Variants in SGCD observed in about 807,000 individuals in gnomAD.
The protein encoded by SGCD is sarcoglycan delta, also known as delta-sarcoglycan.
SGCD carries 18 observed loss-of-function variants against 36.6 expected under a neutral mutation model. That is an observed-to-expected ratio of 0.49 (90% CI 0.34 to 0.73). SGCD has a LOEUF of 0.73. SGCD is among the 30% of genes least tolerant of loss of function. The pLI, the probability that SGCD is intolerant of heterozygous loss-of-function variation, is 0.01. For synonymous variants in SGCD, 133 were observed against 130.6 expected, an observed-to-expected ratio of 1.02 and a Z score of -0.12; for missense variants, 387 against 346.7, an observed-to-expected ratio of 1.12 and a Z score of -0.92.
intron 1 of SGCD, among the ~76,000 whole-genome samples, chr5:156,007,058 C>A (rs1407901098): frequency 6.6e-6 from 1 of 152,162 alleles, no homozygotes; most frequent in Admixed American, 6.5e-5. Context: ...TCATCAGTAG[C>A]CTCTATTCTA....
chr5:155,907,280 C>T (rs1015811859), intron 1 of SGCD, among the ~76,000 whole-genome samples: 1 of 151,968 alleles, frequency 6.6e-6, no homozygotes, highest in Non-Finnish European at 1.5e-5. Context: ...ACCTAAGATC[C>T]CTGATGGGGA....
At chr5:155,906,569 G>A (rs1490430135) in intron 1 of SGCD, among the ~76,000 whole-genome samples, 1 of 152,100 alleles carries the variant, frequency 6.6e-6, no homozygotes, top group Non-Finnish European at 1.5e-5. Context: ...TTGCTGATAG[G>A]GAGAAAGTCT....
chr5:155,749,118 T>C, the SGCD span, among the ~76,000 whole-genome samples: 1 of 152,228 alleles, frequency 6.6e-6, no homozygotes, highest in Non-Finnish European at 1.5e-5. Flanking sequence ...AAATAAGTGA[T>C]AGATGTTACT....
chr5:156,643,126 G>A (rs919129922), intron 6 of SGCD, among the ~76,000 whole-genome samples: 3 of 147,706 alleles, frequency 2.0e-5, no homozygotes, highest in Admixed American at 1.4e-4. Context: ...TCCACCTCCC[G>A]AGTTCAAGGG....
rs148419817 is a variant in SGCD at position 156,562,917 on chromosome 5, C to T, written c.295-26314C>T. On this transcript the variant is annotated intron_variant, in intron 4 of 8. Transcript: ENST00000337851. Reference sequence around the variant, plus strand: ...CCTTCCATTTTTTGGATTATAGTAACAATATTTACCTAATTAAATTAAGAA... The same window carrying T: ...CCTTCCATTTTTTGGATTATAGTAATAATATTTACCTAATTAAATTAAGAA... 1.9e-3 allele frequency among the ~76,000 whole-genome samples: 290 copies of T among 151,700 alleles called. 1 individual carries two copies. The highest frequency in any genetic ancestry group is 6.7e-3 in the African/African-American group (278 of 41,368).
the SGCD span, among the ~76,000 whole-genome samples, chr5:155,858,040 T>C: frequency 1.3e-5 from 2 of 152,206 alleles, no homozygotes; most frequent in Non-Finnish European, 2.9e-5. Context: ...TTATTAACTA[T>C]AACTCGTGGT....
chr5:156,328,186 C>T (rs972471146), intron 1 of SGCD, among the ~76,000 whole-genome samples: 1 of 152,164 alleles, frequency 6.6e-6, no homozygotes, highest in Non-Finnish European at 1.5e-5. Context: ...ATTTTTTCCT[C>T]TCATAGGAAA....
At chr5:156,648,677 G>C (rs533395093) in intron 7 of SGCD, among the ~76,000 whole-genome samples, 1 of 152,110 alleles carries the variant, frequency 6.6e-6, no homozygotes, top group African/African-American at 2.4e-5. Context: ...CACACCACAA[G>C]GTTCTACTTT....
chr5:155,814,076 T>C, the SGCD span, among the ~76,000 whole-genome samples: 1 of 152,202 alleles, frequency 6.6e-6, no homozygotes, highest in Non-Finnish European at 1.5e-5. Context: ...GTGGTTACCA[T>C]CACTCTTAGG....
intron 3 of SGCD, among the ~76,000 whole-genome samples, chr5:156,448,029 A>G (rs1000701569): frequency 1.3e-5 from 2 of 152,162 alleles, no homozygotes; most frequent in Admixed American, 6.5e-5. Context: ...ACAGAATTCA[A>G]ACTCAGGTCT....
intron 3 of SGCD, among the ~76,000 whole-genome samples, chr5:156,264,127 A>G (rs1765943252): frequency 6.6e-6 from 1 of 152,100 alleles, no homozygotes; most frequent in Non-Finnish European, 1.5e-5. Context: ...ATGTTAGAGA[A>G]GAAAGTGTAA....
chr5:156,724,336 G>A (rs1282315047), intron 7 of SGCD, among the ~76,000 whole-genome samples: 3 of 152,236 alleles, frequency 2.0e-5, no homozygotes, highest in Non-Finnish European at 4.4e-5. Flanking sequence ...CGGGCGTGGT[G>A]GCTCACGCCT....
At chr5:156,582,450 C>T (rs1382708607) in intron 4 of SGCD, among the ~76,000 whole-genome samples, 1 of 152,154 alleles carries the variant, frequency 6.6e-6, no homozygotes, top group African/African-American at 2.4e-5. Flanking sequence ...AAGGATAAAA[C>T]ATCTGCCTCT....
intron 3 of SGCD, among the ~76,000 whole-genome samples, chr5:156,483,016 C>G (rs190366547): frequency 6.6e-6 from 1 of 151,976 alleles, no homozygotes; most frequent in South Asian, 2.1e-4. Context: ...CCCACTCCCC[C>G]TTGTGACAAC....
At chr5:156,280,709 T>C (rs1292521375) in intron 3 of SGCD, among the ~76,000 whole-genome samples, 1 of 152,186 alleles carries the variant, frequency 6.6e-6, no homozygotes. Flanking sequence ...CATAGATACA[T>C]TTACATAGTT....
At chr5:156,082,000 A>G (rs1760967215) in intron 1 of SGCD, among the ~76,000 whole-genome samples, 1 of 152,136 alleles carries the variant, frequency 6.6e-6, no homozygotes, top group Admixed American at 6.5e-5. Flanking sequence ...TGATAAACAT[A>G]CATTTGCCTG....
At chr5:156,218,981 C>G (rs1302403179) in intron 3 of SGCD, among the ~76,000 whole-genome samples, 1 of 152,118 alleles carries the variant, frequency 6.6e-6, no homozygotes, top group African/African-American at 2.4e-5. Flanking sequence ...GCTGTCCTGT[C>G]TTGTCATTAT....
chr5:156,538,443 A>G (rs556786602), intron 4 of SGCD, among the ~76,000 whole-genome samples: 1 of 152,204 alleles, frequency 6.6e-6, no homozygotes, highest in Non-Finnish European at 1.5e-5. Context: ...GACTAGAGAT[A>G]CAGCCTGTAA....
chr5:155,872,105 T>G (rs1755666676), intron 1 of SGCD, among the ~76,000 whole-genome samples: 1 of 152,130 alleles, frequency 6.6e-6, no homozygotes, highest in Admixed American at 6.6e-5. Flanking sequence ...TGTCTGCCTT[T>G]CCCAGCACCA....
Sources: gnomAD v4.1 joint callset for allele counts (sites outside exome capture counted in the v4.1 genomes callset) on GRCh38, gnomAD v4.1.1 for gene constraint, MANE v1.5 for transcripts, NCBI Gene and HGNC (gene_info 2026-07-23, HGNC 2026-07-21) for gene names.